The following DOCK11 variants were observed in gnomAD, a reference collection of about 807,000 sequenced individuals.
DOCK11 encodes dedicator of cytokinesis 11.
In DOCK11, 70 loss-of-function variants were observed where a neutral mutation model predicts 169.1. The observed-to-expected ratio is 0.41, with a 90% CI of 0.34 to 0.51. The LOEUF is 0.51. DOCK11 is among the 20% of genes least tolerant of loss of function. The pLI is 0.10. For synonymous variants in DOCK11, 529 were observed against 541.3 expected (o/e 0.98, Z 0.32); for missense variants, 1,166 against 1,538.8 (o/e 0.76, Z 4.05).
intron 6 of DOCK11, among the ~76,000 whole-genome samples, chrX:118,549,238 G>A (rs910640164): frequency 3.7e-5 from 4 of 108,804 alleles, no homozygotes; most frequent in Non-Finnish European, 7.6e-5. Flanking sequence ...TCCACCTCCC[G>A]GGTTTAAGCC....
At chrX:118,496,905 G>A (rs777109659) in intron 1 of DOCK11, among the ~76,000 whole-genome samples, 3 of 111,241 alleles carry the variant, frequency 2.7e-5, no homozygotes, top group Admixed American at 1.9e-4. Flanking sequence ...ATGGGGATTC[G>A]AAAGCGCGCT....
intron 1 of DOCK11, among the ~76,000 whole-genome samples, chrX:118,504,019 AG>A (rs1231190485): frequency 9.0e-6 from 1 of 110,511 alleles, no homozygotes; most frequent in East Asian, 2.9e-4. Flanking sequence ...GCTCAGGAAG[AG>A]GCTAATAGGA....
intron 32 of DOCK11, 99 bp downstream of exon 32, chrX:118,624,754 CT>C (rs368211104): frequency 0.097 from 21,074 of 217,513 alleles, 68 homozygotes; most frequent in African/African-American, 0.13. Flanking sequence ...TAAGAGTTCA[CT>C]TTTTTTTTTT....
intron 52 of DOCK11, 42 bp downstream of exon 52, chrX:118,683,259 G>T: frequency 8.6e-7 from 1 of 1,166,777 alleles, no homozygotes; most frequent in Non-Finnish European, 1.1e-6. Flanking sequence ...TGATCTGCGG[G>T]TCCCAAAATT....
chrX:118,676,125 G>A, intron 47 of DOCK11, 76 bp downstream of exon 47: 1 of 670,591 alleles, frequency 1.5e-6, no homozygotes, highest in Non-Finnish European at 2.3e-6. Context: ...ATAGCAGCTA[G>A]GAGTCTATCC....
intron 6 of DOCK11, among the ~76,000 whole-genome samples, chrX:118,550,291 T>C (rs928865591): frequency 9.0e-6 from 1 of 110,564 alleles, no homozygotes; most frequent in African/African-American, 3.3e-5. Flanking sequence ...TGAACAAAAT[T>C]AGCCATGTGA....
chrX:118,616,254 G>A (rs1195403352), intron 30 of DOCK11: 9 of 948,708 alleles, frequency 9.5e-6, no homozygotes, highest in East Asian at 7.7e-5. Context: ...GGTTTAACTC[G>A]GTTCACTCTA....
chrX:118,627,600 T>C (rs747495146), intron 33 of DOCK11, 21 bp downstream of exon 33: 3 of 1,129,296 alleles, frequency 2.7e-6, no homozygotes, highest in Non-Finnish European at 3.7e-6. Context: ...CTTTTGGAGA[T>C]GATACATTGC....
chrX:118,638,032 G>C lies in DOCK11; in HGVS notation c.3954-48G>C, dbSNP rs527747086. On this transcript the variant is annotated intron_variant, in intron 36 of 52. Transcript: ENST00000276202. ...CTTTTAAAATATCACTTGTTAATCTGTAGAGGATGTTAATATATTACTAAC... is the reference window on the plus strand; with the variant it reads ...CTTTTAAAATATCACTTGTTAATCTCTAGAGGATGTTAATATATTACTAAC... 158 of 1,022,399 alleles carry C rather than the reference G, an allele frequency of 1.5e-4. No individual in the cohort carries two copies. In the South Asian group the frequency reaches 2.9e-3, roughly 19 times the overall value. 84.3% of individuals were successfully genotyped at this position (1,022,399 alleles called of 1,213,427 possible). A position where few individuals can be genotyped will look rare whatever the true frequency, so the allele number is the denominator to read the frequency against.
rs183999511 is a variant in DOCK11, at chrX:118,513,563, G to A, written c.102+17490G>A. On this transcript the variant is annotated intron_variant, in intron 1 of 52. Transcript: ENST00000276202. ...CCACTTCAAGGCCATGGTGAACTAT[G>A]ATTACACCATTGTACTCCAGCCTGG... Among the ~76,000 whole-genome samples the A allele has an allele frequency of 2.8e-3, 309 of 111,971 alleles. 2 individuals are homozygous for A. The highest frequency in any genetic ancestry group is 9.2e-3 in the African/African-American group (283 of 30,846).
chrX:118,569,091 C>CTTTTTTTTTTTTTTTT (rs1186200391), intron 10 of DOCK11, among the ~76,000 whole-genome samples: 3 of 45,007 alleles, frequency 6.7e-5, no homozygotes, highest in Admixed American at 3.5e-4. Flanking sequence ...TCTTTCTTTC[C>CTTTTTTTTTTTTTTTT]TTTTTTTTTT....
intron 47 of DOCK11, 53 bp from the exon 48 acceptor site, chrX:118,676,538 G>A: frequency 5.5e-6 from 4 of 733,705 alleles, no homozygotes; most frequent in Non-Finnish European, 7.4e-6. Context: ...TTCTTTAAAT[G>A]TTGTGTTTGC....
chrX:118,574,429 C>T (rs2013381719), intron 12 of DOCK11, among the ~76,000 whole-genome samples: 1 of 111,018 alleles, frequency 9.0e-6, no homozygotes, highest in African/African-American at 3.3e-5. Flanking sequence ...ATTAGCCAGG[C>T]GTGGTGATGT....
In DOCK11 at chrX:118,624,618, G is replaced by A. The variant is rs374462790; in HGVS notation, c.3551G>A (p.Arg1184Gln). Residue 1184 changes from arginine to glutamine, a missense_variant, in exon 32 of 53, where the codon CGA (arginine) becomes CAA (glutamine). Coordinates refer to ENST00000276202, the MANE Select transcript of DOCK11 (RefSeq NM_144658.4). ...GAAAATATACAGCGATTAGCAGGTC[G>A]AGATACCTTGTATTCTTGTGCAGCC... ...LLENIQRLAG[R>Q]DTLYSCAAMP... 10 of 1,205,113 alleles carry A rather than the reference G, an allele frequency of 8.3e-6. No individual in the cohort carries two copies. Among genetic ancestry groups the A allele is most frequent in the South Asian group, 5.3e-5 (3 of 56,555 alleles).
At chrX:118,580,884 A>T (rs1310960442) in intron 14 of DOCK11, among the ~76,000 whole-genome samples, 1 of 112,334 alleles carries the variant, frequency 8.9e-6, no homozygotes, top group Non-Finnish European at 1.9e-5. Flanking sequence ...ATATTTCTGG[A>T]AAACATACTG....
chrX:118,653,088 T>C (rs1178869256), intron 42 of DOCK11, among the ~76,000 whole-genome samples: 1 of 112,151 alleles, frequency 8.9e-6, no homozygotes, highest in African/African-American at 3.2e-5. Context: ...ACACCACTTA[T>C]GCTTATACTC....
chrX:118,648,581 A>AAATATATAATATATATAATATATT (rs1172576974), intron 40 of DOCK11, among the ~76,000 whole-genome samples: 4 of 91,610 alleles, frequency 4.4e-5, no homozygotes, highest in Non-Finnish European at 8.5e-5. Flanking sequence ...ACATATATAT[A>AAATATATAATATATATAATATATT]AATATATAAT....
intron 6 of DOCK11, among the ~76,000 whole-genome samples, chrX:118,557,386 A>C (rs2012731398): frequency 9.0e-6 from 1 of 111,457 alleles, no homozygotes; most frequent in African/African-American, 3.3e-5. Flanking sequence ...CTGAGGAAAC[A>C]GGAAGTACAG....
intron 1 of DOCK11, 29 bp from the exon 2 acceptor site, chrX:118,542,696 T>C (rs1569411551): frequency 9.5e-7 from 1 of 1,048,178 alleles, no homozygotes; most frequent in East Asian, 3.0e-5. Flanking sequence ...AGTTTGATCA[T>C]AATAACTTTA....
Sources: gnomAD v4.1 joint callset for allele counts (sites outside exome capture counted in the v4.1 genomes callset) on GRCh38, gnomAD v4.1.1 for gene constraint, MANE v1.5 for transcripts, NCBI Gene and HGNC (gene_info 2026-07-23, HGNC 2026-07-21) for gene names.